Variants in RELN observed in about 807,000 individuals in gnomAD.
RELN encodes reelin.
RELN carries 108 observed loss-of-function variants against 427.6 expected under a neutral mutation model. That is an observed-to-expected ratio of 0.25 (90% CI 0.22 to 0.30). The LOEUF (loss-of-function observed/expected upper bound fraction) is 0.30. Ranked by LOEUF, RELN falls within the 10% of genes least tolerant of loss-of-function variation. The probability of loss-of-function intolerance (pLI) is 1.00; values close to 1 mark genes in which losing one functional copy is unlikely to be tolerated. For synonymous variants in RELN, 1,524 were observed against 1,513.4 expected (o/e 1.01, Z -0.16); for missense variants, 3,715 against 4,302.8 (o/e 0.86, Z 3.82).
chr7:103,594,789 C>T (rs549449283), intron 25 of RELN, among the ~76,000 whole-genome samples: 1 of 152,170 alleles, frequency 6.6e-6, no homozygotes, highest in Admixed American at 6.5e-5. Context: ...ATGGTCATAA[C>T]TTTTTAAAGA....
intron 11 of RELN, among the ~76,000 whole-genome samples, chr7:103,665,243 G>A (rs573151021): frequency 6.6e-6 from 1 of 151,940 alleles, no homozygotes; most frequent in Non-Finnish European, 1.5e-5. Flanking sequence ...CTATAAACGT[G>A]AGTCTGTTTC....
At chr7:103,924,249 G>A (rs1170704205) in intron 1 of RELN, among the ~76,000 whole-genome samples, 3 of 152,066 alleles carry the variant, frequency 2.0e-5, no homozygotes, top group African/African-American at 7.2e-5. Flanking sequence ...GATGTCTGCT[G>A]TACTAATTAT....
intron 8 of RELN, among the ~76,000 whole-genome samples, chr7:103,708,211 A>T (rs989681605): frequency 3.9e-5 from 6 of 152,222 alleles, no homozygotes; most frequent in Admixed American, 1.3e-4. Context: ...ATGATGAAAT[A>T]ATCAATCAAT....
At chr7:103,762,720 T>G (rs1791333176) in intron 4 of RELN, among the ~76,000 whole-genome samples, 1 of 152,230 alleles carries the variant, frequency 6.6e-6, no homozygotes, top group Admixed American at 6.5e-5. Context: ...CTTTTCTTCC[T>G]TATTGCTTGT....
At chr7:103,724,856 T>C (rs929811931) in intron 7 of RELN, among the ~76,000 whole-genome samples, 1 of 151,960 alleles carries the variant, frequency 6.6e-6, no homozygotes, top group Non-Finnish European at 1.5e-5. Flanking sequence ...TTCTGAGATC[T>C]ATTCACCTAT....
chr7:103,485,229 CAAAAAAAAAA>C (rs35324403), intron 61 of RELN, among the ~76,000 whole-genome samples: 1 of 96,436 alleles, frequency 1.0e-5, no homozygotes, highest in South Asian at 3.9e-4. Context: ...TTTGGCAGGC[CAAAAAAAAAA>C]AAAAAAAAAA....
In RELN at chr7:103,696,945, T is replaced by C. The variant is rs139434253; in HGVS notation, c.1143+908A>G. On this transcript the variant is annotated intron_variant, in intron 10 of 64. Transcript: ENST00000428762. ...CACTGGCCATATCTTCAAACTTTTC[T>C]ATCACAAGTCTCAACTTAAAATGTG... Among the ~76,000 whole-genome samples the C allele has an allele frequency of 8.5e-4, 129 of 152,334 alleles. 1 individual carries two copies. Among genetic ancestry groups the C allele is most frequent in the African/African-American group, 3.1e-3 (127 of 41,592 alleles).
chr7:103,787,328 G>C (rs1205931595), intron 3 of RELN, among the ~76,000 whole-genome samples: 1 of 151,466 alleles, frequency 6.6e-6, no homozygotes, highest in Non-Finnish European at 1.5e-5. Context: ...GCTAACAGAA[G>C]ACAAGAAATA....
At chr7:103,881,442 CAGA>C (rs1378130387) in intron 2 of RELN, among the ~76,000 whole-genome samples, 1 of 152,032 alleles carries the variant, frequency 6.6e-6, no homozygotes, top group Non-Finnish European at 1.5e-5. Context: ...TCATCAGAGA[CAGA>C]AAGAGCTTTA....
intron 6 of RELN, among the ~76,000 whole-genome samples, chr7:103,731,566 C>T (rs1790355733): frequency 1.3e-5 from 2 of 152,188 alleles, no homozygotes; most frequent in South Asian, 4.1e-4. Flanking sequence ...GGTTACACAG[C>T]TAGTCAATTG....
chr7:103,551,024 GT>G, intron 41 of RELN, 42 bp downstream of exon 41: 7 of 1,515,456 alleles, frequency 4.6e-6, no homozygotes, highest in Non-Finnish European at 6.4e-6. Flanking sequence ...GGAATAAACT[GT>G]CAAAGGAGAA....
intron 37 of RELN, 108 bp from the exon 38 acceptor site, chr7:103,557,267 C>T (rs1830546160): frequency 9.4e-6 from 9 of 954,746 alleles, no homozygotes; most frequent in South Asian, 7.0e-5. Context: ...CTTATGTTTA[C>T]ATGGAAGCTT....
At chr7:103,802,229 G>A (rs373605166) in intron 3 of RELN, among the ~76,000 whole-genome samples, 1 of 151,950 alleles carries the variant, frequency 6.6e-6, no homozygotes, top group Non-Finnish European at 1.5e-5. Context: ...TTAGTCACAG[G>A]GTCTTGCAAA....
chr7:103,770,913 C>CTT (rs751942279), intron 4 of RELN, among the ~76,000 whole-genome samples: 2,193 of 119,056 alleles, frequency 0.018, 91 homozygotes, highest in East Asian at 0.058. Context: ...CAATCGCTTA[C>CTT]TTTTTTTTTT....
rs1313978149 is a variant in RELN, at chr7:103,988,287, A to G, written c.226+844T>C. 6.6e-6 allele frequency among the ~76,000 whole-genome samples: 1 copy of G among 152,214 alleles called. No homozygotes were observed. The highest frequency in any genetic ancestry group is 1.5e-5 in the Non-Finnish European group (1 of 68,032). On this transcript the variant is annotated intron_variant, in intron 1 of 64. Coordinates refer to ENST00000428762, the MANE Select transcript of RELN (RefSeq NM_005045.4). This position sits in a 1 kb window ranked among gnomAD's most constrained non-coding sequence, Gnocchi z 4.9. Reference sequence around the variant, plus strand: ...TAAAATACATGTACTACATAATATTATATTTCTTGGAGCTAAATTTTATTT... The same window carrying G: ...TAAAATACATGTACTACATAATATTGTATTTCTTGGAGCTAAATTTTATTT...
At chr7:103,951,936 G>T (rs1162687203) in intron 1 of RELN, among the ~76,000 whole-genome samples, 4 of 152,262 alleles carry the variant, frequency 2.6e-5, no homozygotes, top group Non-Finnish European at 4.4e-5. Flanking sequence ...GCCTCCCAAA[G>T]TGCTGGGATT....
chr7:103,987,016 A>G lies in RELN; in HGVS notation c.226+2115T>C, dbSNP rs186404833. On this transcript the variant is annotated intron_variant, in intron 1 of 64. Transcript: ENST00000428762. Reference sequence around the variant, plus strand: ...ATTTTCAAAAGCCTAAAAGGAAAAGAGACATACATAAGCATCACTTCATTT... The same window carrying G: ...ATTTTCAAAAGCCTAAAAGGAAAAGGGACATACATAAGCATCACTTCATTT... 6.8e-3 allele frequency among the ~76,000 whole-genome samples: 1,024 copies of G among 151,246 alleles called. 6 individuals are homozygous for G. Among genetic ancestry groups the G allele is most frequent in the Middle Eastern group, 0.045 (13 of 290 alleles).
intron 1 of RELN, among the ~76,000 whole-genome samples, chr7:103,965,397 A>G (rs1397925029): frequency 6.6e-6 from 1 of 152,254 alleles, no homozygotes; most frequent in Non-Finnish European, 1.5e-5. Flanking sequence ...CAATTTTATC[A>G]ACATACTTCG....
At chr7:103,798,814 T>C (rs1023473113) in intron 3 of RELN, among the ~76,000 whole-genome samples, 1 of 152,200 alleles carries the variant, frequency 6.6e-6, no homozygotes, top group Non-Finnish European at 1.5e-5. Context: ...CAAATGTTTT[T>C]GTGTTCTCAA....
Sources: allele counts gnomAD v4.1 joint callset (sites outside exome capture counted in the v4.1 genomes callset), GRCh38; gene constraint gnomAD v4.1.1; non-coding constraint Gnocchi (gnomAD v3.1); transcripts MANE v1.5; gene names NCBI Gene and HGNC (gene_info 2026-07-23, HGNC 2026-07-21).